The following KLRD1 variants were observed in gnomAD, a reference collection of about 807,000 sequenced individuals.
The protein encoded by KLRD1 is natural killer cells antigen CD94.
KLRD1 carries 21 observed loss-of-function variants against 22.6 expected under a neutral mutation model. That is an observed-to-expected ratio of 0.93 (90% CI 0.66 to 1.34). KLRD1 has a LOEUF of 1.34. Ranked by LOEUF, KLRD1 falls within the 40% of genes most tolerant of loss-of-function variation. The pLI, the probability that KLRD1 is intolerant of heterozygous loss-of-function variation, is 0.00. For synonymous variants in KLRD1, 59 were observed against 71.1 expected (o/e 0.83, Z 0.85); for missense variants, 183 against 208.6 (o/e 0.88, Z 0.76).
chr12:10,328,606 T>C lies in KLRD1; in HGVS notation c.*13813T>C, dbSNP rs1434943719. The C allele has an allele frequency of 1.3e-5, 2 of 152,288 alleles. No homozygotes were observed. The highest frequency in any genetic ancestry group is 1.9e-4 in the East Asian group (1 of 5,196). The allele number at this position is 152,288 out of a possible 1,614,324, so 9.4% of individuals were successfully genotyped here. On this transcript the variant is annotated 3_prime_UTR_variant, in exon 6 of 6. Coordinates refer to ENST00000336164, the MANE Select transcript of KLRD1 (RefSeq NM_002262.5). ...TTCCAAAAACTAACTCTTAGTTTTG[T>C]TTACTTTTTATATATCCTTTCCATT...
chr12:10,282,238 A>G (rs1233364394), intron 1 of KLRD1, among the ~76,000 whole-genome samples: 1 of 152,054 alleles, frequency 6.6e-6, no homozygotes, highest in East Asian at 1.9e-4. Flanking sequence ...ATAAAAACAT[A>G]TACACATATG....
intron 1 of KLRD1, among the ~76,000 whole-genome samples, chr12:10,267,334 T>G (rs1455590369): frequency 6.6e-6 from 1 of 152,208 alleles, no homozygotes; most frequent in Non-Finnish European, 1.5e-5. Flanking sequence ...TCTTCACTAA[T>G]GACCTTCTTT....
At chr12:10,262,853 A>G (rs1949466229) in intron 1 of KLRD1, among the ~76,000 whole-genome samples, 1 of 152,068 alleles carries the variant, frequency 6.6e-6, no homozygotes, top group South Asian at 2.1e-4. Flanking sequence ...ATCATTTGCA[A>G]TTTATATTAA....
At chr12:10,270,722 C>G (rs1949541454) in intron 1 of KLRD1, among the ~76,000 whole-genome samples, 1 of 151,946 alleles carries the variant, frequency 6.6e-6, no homozygotes, top group South Asian at 2.1e-4. Context: ...AAGAACTCTT[C>G]CAAAGGCTAC....
chr12:10,247,741 T>C (rs1949305402), intron 1 of KLRD1, among the ~76,000 whole-genome samples: 1 of 152,122 alleles, frequency 6.6e-6, no homozygotes, highest in African/African-American at 2.4e-5. Flanking sequence ...ATTCTCATGA[T>C]AGTGAGTGAG....
chr12:10,302,399 G>A (rs1257947515), upstream of KLRD1, among the ~76,000 whole-genome samples: 5 of 152,194 alleles, frequency 3.3e-5, no homozygotes, highest in Non-Finnish European at 7.3e-5. Flanking sequence ...TGGCAGGTAA[G>A]TGTCACCCAG....
chr12:10,239,518 CCTTTCTTTCTTTCTTTCTTTCTTTCTTT>C (rs55671846), intron 1 of KLRD1, among the ~76,000 whole-genome samples: 119 of 59,524 alleles, frequency 2.0e-3, no homozygotes, highest in South Asian at 4.7e-3. Flanking sequence ...CCTTCCCTCC[CCTTTCTTTCTTTCTTTCTTTCTTTCTTT>C]CTTTCTTTCT....
At chr12:10,303,888 C>T (rs1317966776), upstream of KLRD1, among the ~76,000 whole-genome samples, 1 of 151,988 alleles carries the variant, frequency 6.6e-6, no homozygotes, top group African/African-American at 2.4e-5. Context: ...CCTACAGATG[C>T]AAAAGTCTGT....
intron 1 of KLRD1, among the ~76,000 whole-genome samples, chr12:10,291,262 T>G (rs1949767810): frequency 6.6e-6 from 1 of 152,174 alleles, no homozygotes; most frequent in Admixed American, 6.5e-5. Flanking sequence ...GTGGTGGTTG[T>G]TGAAGGCTGG....
At chr12:10,245,493 T>C (rs1222409642) in intron 1 of KLRD1, among the ~76,000 whole-genome samples, 1 of 152,220 alleles carries the variant, frequency 6.6e-6, no homozygotes, top group Non-Finnish European at 1.5e-5. Context: ...AGACAGTATG[T>C]GAATACATGA....
At chr12:10,254,621 G>A (rs1949377216) in intron 1 of KLRD1, among the ~76,000 whole-genome samples, 1 of 152,032 alleles carries the variant, frequency 6.6e-6, no homozygotes, top group Non-Finnish European at 1.5e-5. Flanking sequence ...GGGCGTGGTG[G>A]CTCACACCTG....
intron 1 of KLRD1, among the ~76,000 whole-genome samples, chr12:10,259,355 G>A (rs997725615): frequency 2.0e-5 from 3 of 151,856 alleles, no homozygotes. Flanking sequence ...TATTATTTTG[G>A]TCATTTTCTG....
At chr12:10,285,301 T>A (rs1049226398) in intron 1 of KLRD1, among the ~76,000 whole-genome samples, 1 of 152,102 alleles carries the variant, frequency 6.6e-6, no homozygotes, top group Admixed American at 6.6e-5. Flanking sequence ...TAAAAATGGG[T>A]TCCTTCTTTT....
chr12:10,306,081 A>C (rs549794648), upstream of KLRD1, among the ~76,000 whole-genome samples: 108 of 152,192 alleles, frequency 7.1e-4, 1 homozygote, highest in African/African-American at 2.4e-3. Flanking sequence ...AGGCAGGAGA[A>C]TGGCGTGAAC....
intron 1 of KLRD1, among the ~76,000 whole-genome samples, chr12:10,255,862 G>A (rs1949390616): frequency 6.6e-6 from 1 of 152,040 alleles, no homozygotes; most frequent in South Asian, 2.1e-4. Flanking sequence ...CCATAGTGTT[G>A]CTCAAGTCCT....
At chr12:10,252,539 C>A (rs566628090) in intron 1 of KLRD1, among the ~76,000 whole-genome samples, 1 of 152,170 alleles carries the variant, frequency 6.6e-6, no homozygotes, top group East Asian at 1.9e-4. Flanking sequence ...CCACCACATT[C>A]TCAAGTTATA....
chr12:10,243,349 C>T (rs1425268252), intron 1 of KLRD1, among the ~76,000 whole-genome samples: 1 of 152,026 alleles, frequency 6.6e-6, no homozygotes, highest in African/African-American at 2.4e-5. Flanking sequence ...TGCAGTGGCT[C>T]ATGCCTGTAA....
chr12:10,328,483 T>C lies in KLRD1; in HGVS notation c.*13690T>C, dbSNP rs1431484922. The C allele has an allele frequency of 2.6e-5, 4 of 152,162 alleles. No individual in the cohort carries two copies. The highest frequency in any genetic ancestry group is 9.6e-5 in the African/African-American group (4 of 41,452). 9.4% of individuals were successfully genotyped at this position (152,162 alleles called of 1,614,324 possible). On this transcript the variant is annotated 3_prime_UTR_variant, in exon 6 of 6. Transcript: ENST00000336164. The stretch of plus-strand genomic sequence containing the variant: ...TGTCTCTTACCATCTTTTATATTTC[T>C]GTGGCATCAGTTGCAATGTCTTATT...
upstream of KLRD1, among the ~76,000 whole-genome samples, chr12:10,305,358 C>T (rs937142988): frequency 2.6e-5 from 4 of 152,120 alleles, no homozygotes; most frequent in Non-Finnish European, 5.9e-5. Context: ...TCTGGTTTCT[C>T]TCGGCAGCAC....
Sources: allele counts gnomAD v4.1 joint callset (sites outside exome capture counted in the v4.1 genomes callset), GRCh38; gene constraint gnomAD v4.1.1; transcripts MANE v1.5; gene names NCBI Gene and HGNC (gene_info 2026-07-23, HGNC 2026-07-21).